The following PDE10A variants were observed in gnomAD, a reference collection of about 807,000 sequenced individuals.
PDE10A encodes phosphodiesterase 10A, also known as cAMP and cAMP-inhibited cGMP 3',5'-cyclic phosphodiesterase 10A.
PDE10A carries 39 observed loss-of-function variants against 97.7 expected under a neutral mutation model. The ratio of observed to expected loss-of-function variants is 0.40; its 90% confidence interval spans 0.31 to 0.52. The LOEUF (loss-of-function observed/expected upper bound fraction) is 0.52. Among genes scored for constraint, PDE10A ranks in the 20% least tolerant of loss-of-function variants. PDE10A has a pLI of 0.56. For missense variants in PDE10A, 731 were observed against 1,047.8 expected (o/e 0.70, Z 4.17); for synonymous variants, 371 against 376.8 (o/e 0.98, Z 0.18).
At chr6:165,462,503 T>C (rs771429265) in intron 3 of PDE10A, among the ~76,000 whole-genome samples, 3 of 152,182 alleles carry the variant, frequency 2.0e-5, no homozygotes, top group Non-Finnish European at 2.9e-5. Context: ...AACAGCCGAT[T>C]TGGATGCCAT....
At chr6:165,457,194 T>C (rs1386915655) in intron 3 of PDE10A, among the ~76,000 whole-genome samples, 2 of 152,188 alleles carry the variant, frequency 1.3e-5, no homozygotes, top group African/African-American at 4.8e-5. Flanking sequence ...ACAATAAGTA[T>C]ACTAATAAAG....
chr6:165,481,887 G>A (rs1457237148), intron 3 of PDE10A, among the ~76,000 whole-genome samples: 1 of 152,228 alleles, frequency 6.6e-6, no homozygotes, highest in East Asian at 1.9e-4. Context: ...GCGGACATGA[G>A]TAAAGCCAGC....
At chr6:165,731,278 T>C (rs529349852) in intron 1 of PDE10A, among the ~76,000 whole-genome samples, 14 of 152,154 alleles carry the variant, frequency 9.2e-5, no homozygotes, top group African/African-American at 2.9e-4. Flanking sequence ...CTGAGCCCTG[T>C]ACGGGGGGAA....
At chr6:165,410,649 C>A (rs190173236) in intron 13 of PDE10A, among the ~76,000 whole-genome samples, 2 of 152,114 alleles carry the variant, frequency 1.3e-5, no homozygotes, top group Non-Finnish European at 2.9e-5. Context: ...GCAGACAGGA[C>A]CTTTCAAGTG....
chr6:165,377,564 T>C (rs1583154672), intron 18 of PDE10A, among the ~76,000 whole-genome samples: 1 of 152,196 alleles, frequency 6.6e-6, no homozygotes, highest in Non-Finnish European at 1.5e-5. Context: ...ATTTCCTATA[T>C]TATAATAATC....
chr6:165,399,827 G>T (rs954154937), intron 13 of PDE10A, among the ~76,000 whole-genome samples: 1 of 152,162 alleles, frequency 6.6e-6, no homozygotes, highest in African/African-American at 2.4e-5. Context: ...GTCTATCACT[G>T]TTGGACATGT....
chr6:165,505,976 A>C (rs1781168119), intron 2 of PDE10A, among the ~76,000 whole-genome samples: 1 of 152,182 alleles, frequency 6.6e-6, no homozygotes, highest in South Asian at 2.1e-4. Flanking sequence ...GAAAAAAATA[A>C]TATTACTTGT....
At chr6:165,566,482 G>A (rs1046055587) in intron 1 of PDE10A, among the ~76,000 whole-genome samples, 1 of 152,188 alleles carries the variant, frequency 6.6e-6, no homozygotes, top group Non-Finnish European at 1.5e-5. Context: ...AATGTGAAAT[G>A]GTACTCTGGA....
intron 1 of PDE10A, among the ~76,000 whole-genome samples, chr6:165,748,300 C>A (rs1420671738): frequency 6.6e-6 from 1 of 152,108 alleles, no homozygotes; most frequent in Non-Finnish European, 1.5e-5. Flanking sequence ...ATGGCTCTTT[C>A]CCTGAATATA....
intron 1 of PDE10A, among the ~76,000 whole-genome samples, chr6:165,600,326 G>T (rs76946387): frequency 6.6e-6 from 1 of 152,194 alleles, no homozygotes; most frequent in African/African-American, 2.4e-5. Context: ...TCTGAAGGAC[G>T]ATTGTCCAGG....
chr6:165,880,829 T>C (rs1781452702), intron 1 of PDE10A, among the ~76,000 whole-genome samples: 1 of 152,182 alleles, frequency 6.6e-6, no homozygotes, highest in Admixed American at 6.5e-5. Flanking sequence ...TCAAACCTTC[T>C]GGGCTCAGGA....
Position 165,816,815 on chromosome 6 carries a change from G to C in PDE10A, c.-615+170714C>G, listed in dbSNP as rs151126167. ...GGCCCTGGGAAATGGGTTCCGGAGG[G>C]GGGAAGGGGCCGTAGAGCTTTTTCT... On this transcript the variant is annotated intron_variant, in intron 1 of 19. Coordinates refer to the PDE10A transcript ENST00000366882. 5.3e-4 allele frequency among the ~76,000 whole-genome samples: 80 copies of C among 152,286 alleles called. 1 individual carries two copies. In the East Asian group the frequency reaches 0.013, roughly 25 times the overall value.
intron 1 of PDE10A, among the ~76,000 whole-genome samples, chr6:165,574,380 C>T (rs915004384): frequency 2.6e-5 from 4 of 152,250 alleles, no homozygotes; most frequent in Non-Finnish European, 5.9e-5. Context: ...AATATTTGCA[C>T]CTCTAACCAA....
chr6:165,844,265 G>A (rs545909527), intron 1 of PDE10A, among the ~76,000 whole-genome samples: 1 of 152,090 alleles, frequency 6.6e-6, no homozygotes, highest in Admixed American at 6.6e-5. Context: ...AAGGTCAGAG[G>A]GCCTCAGAAT....
rs550619089 is a variant in PDE10A, at chr6:165,775,874, T to A, written c.-615+211655A>T. 5 of 152,362 alleles carry A rather than the reference T, an allele frequency of 3.3e-5. No homozygotes were observed. The South Asian group carries it at 1.0e-3, about 32-fold the overall frequency. 9.4% of individuals were successfully genotyped at this position (152,362 alleles called of 1,614,324 possible). On this transcript the variant is annotated intron_variant, in intron 1 of 19. Transcript: ENST00000366882. ...AACTTGTATTAGAGCTCAAAACTTA[T>A]ACTTAAATTTCAGTGAGAAAAAATG...
chr6:165,341,140 A>G (rs1392358117), intron 19 of PDE10A, among the ~76,000 whole-genome samples: 1 of 152,200 alleles, frequency 6.6e-6, no homozygotes, highest in Non-Finnish European at 1.5e-5. Flanking sequence ...GAGAAGAGAC[A>G]GGACTTTATA....
intron 1 of PDE10A, among the ~76,000 whole-genome samples, chr6:165,569,058 T>C (rs975106305): frequency 6.6e-6 from 1 of 152,214 alleles, no homozygotes; most frequent in Non-Finnish European, 1.5e-5. Context: ...AATGTAAGAA[T>C]GTAAAATATT....
At chr6:165,467,531 GT>G (rs1204654098) in intron 3 of PDE10A, among the ~76,000 whole-genome samples, 10 of 152,286 alleles carry the variant, frequency 6.6e-5, no homozygotes, top group African/African-American at 2.4e-4. Context: ...GACTCTGCCT[GT>G]GTTCTAGAAA....
At chr6:165,506,716 TG>T (rs540125089) in intron 2 of PDE10A, among the ~76,000 whole-genome samples, 159 of 152,302 alleles carry the variant, frequency 1.0e-3, no homozygotes, top group Non-Finnish European at 1.7e-3. Flanking sequence ...GTGCCTTATC[TG>T]TCATTCAAAA....
Sources: gnomAD v4.1 joint callset for allele counts (sites outside exome capture counted in the v4.1 genomes callset) on GRCh38, gnomAD v4.1.1 for gene constraint, MANE v1.5 for transcripts, NCBI Gene and HGNC (gene_info 2026-07-23, HGNC 2026-07-21) for gene names.